MAP7: variants seen among roughly 807,000 people sequenced by gnomAD.
MAP7 encodes ensconsin.
In MAP7, 52 loss-of-function variants were observed where a neutral mutation model predicts 94.8. The ratio of observed to expected loss-of-function variants is 0.55; its 90% CI spans 0.44 to 0.69. The LOEUF is 0.69. Among genes scored for constraint, MAP7 ranks in the 30% least tolerant of loss-of-function variants. MAP7 has a pLI of 0.00. For missense variants in MAP7, 940 were observed against 964.6 expected (o/e 0.97, Z 0.34); for synonymous variants, 350 against 357.0 (o/e 0.98, Z 0.22).
chr6:136,534,477 GCTGACA>G (rs1828723098), intron 1 of MAP7, among the ~76,000 whole-genome samples: 1 of 152,220 alleles, frequency 6.6e-6, no homozygotes, highest in Non-Finnish European at 1.5e-5. Flanking sequence ...GCTGAGCCCA[GCTGACA>G]CTTAACCTAT....
chr6:136,487,308 CGATA>C (rs1815089904), intron 1 of MAP7, among the ~76,000 whole-genome samples: 1 of 152,056 alleles, frequency 6.6e-6, no homozygotes, highest in Admixed American at 6.5e-5. Flanking sequence ...CACACACATA[CGATA>C]GAGTTTATAA....
Position 136,411,636 on chromosome 6 carries a change from T to G in MAP7, c.228A>C (p.Glu76Asp). ...CTGGGGTACCTAGCTGTTTCTCCCG[T>G]TCCTCACGTCGCTCCCGGGCCAGCC... The part of the protein sequence containing the change: ...RQRLARERRE[E>D]REKQLAAREI... Residue 76 changes from glutamate to aspartate, a missense_variant, in exon 3 of 18, where the codon GAA (glutamate) becomes GAC (aspartate). Coordinates refer to ENST00000354570, the MANE Select transcript of MAP7 (RefSeq NM_003980.6). 6.4e-7 allele frequency: 1 copy of G among 1,562,238 alleles called. No homozygotes were observed. Among genetic ancestry groups the G allele is most frequent in the East Asian group, 2.4e-5 (1 of 41,748 alleles).
chr6:136,489,957 T>C (rs1255005598), intron 1 of MAP7, among the ~76,000 whole-genome samples: 2 of 152,164 alleles, frequency 1.3e-5, no homozygotes, highest in Non-Finnish European at 2.9e-5. Context: ...ACTTGTGAAC[T>C]GAAGTCAGCC....
At chr6:136,366,068 C>T (rs770620538) in intron 9 of MAP7, 50 bp from the exon 10 acceptor site, 30 of 1,557,802 alleles carry the variant, frequency 1.9e-5, no homozygotes, top group Non-Finnish European at 2.5e-5. Flanking sequence ...TGAGAACAGG[C>T]TTGCCAGAAC....
At chr6:136,513,398 C>A (rs942195368) in intron 1 of MAP7, among the ~76,000 whole-genome samples, 1 of 152,172 alleles carries the variant, frequency 6.6e-6, no homozygotes, top group Admixed American at 6.5e-5. Context: ...TCTCAAGAAA[C>A]CACTTACTTT....
intron 1 of MAP7, among the ~76,000 whole-genome samples, chr6:136,437,198 AC>A (rs1160554686): frequency 1.3e-5 from 2 of 152,148 alleles, no homozygotes; most frequent in Non-Finnish European, 2.9e-5. Flanking sequence ...GTGTTCTTCC[AC>A]CCTTTAGCTT....
chr6:136,414,884 A>C (rs1473494176), intron 2 of MAP7, among the ~76,000 whole-genome samples: 1 of 147,852 alleles, frequency 6.8e-6, no homozygotes, highest in Non-Finnish European at 1.5e-5. Flanking sequence ...GCGTGATCTC[A>C]GCTCACTGCA....
At chr6:136,465,018 T>C (rs1040037170) in intron 1 of MAP7, among the ~76,000 whole-genome samples, 2 of 152,222 alleles carry the variant, frequency 1.3e-5, no homozygotes, top group Non-Finnish European at 2.9e-5. Context: ...AGCAGCTTGA[T>C]GGTGAAAACA....
intron 1 of MAP7, among the ~76,000 whole-genome samples, chr6:136,438,835 C>T (rs1253709075): frequency 6.6e-6 from 1 of 152,116 alleles, no homozygotes; most frequent in Non-Finnish European, 1.5e-5. Flanking sequence ...TTTCTCACCT[C>T]CCTTCCCCCC....
intron 15 of MAP7, among the ~76,000 whole-genome samples, chr6:136,358,298 T>A (rs1296218631): frequency 6.6e-6 from 1 of 152,184 alleles, no homozygotes; most frequent in South Asian, 2.1e-4. Flanking sequence ...AACTACAGCA[T>A]TAGCCCCTCA....
At chr6:136,407,684 A>G (rs1472605683) in intron 3 of MAP7, among the ~76,000 whole-genome samples, 1 of 152,330 alleles carries the variant, frequency 6.6e-6, no homozygotes, top group East Asian at 1.9e-4. Context: ...AACTAGGCTG[A>G]GTCCAGACTG....
chr6:136,452,732 T>C (rs942394144), intron 1 of MAP7, among the ~76,000 whole-genome samples: 1 of 152,094 alleles, frequency 6.6e-6, no homozygotes, highest in Non-Finnish European at 1.5e-5. Flanking sequence ...TTTGTATTTT[T>C]AGTAGAGATA....
Position 136,359,880 on chromosome 6 carries a change from A to G in MAP7, c.1855-3T>C, listed in dbSNP as rs780054031. ...CCGTTTCTCTGATCACTGGTTTTCTACGAAGAAGAAAAAAAGAGGACTTTT... is the reference window on the plus strand; with the variant it reads ...CCGTTTCTCTGATCACTGGTTTTCTGCGAAGAAGAAAAAAAGAGGACTTTT... On this transcript the variant is annotated splice_polypyrimidine_tract_variant and splice_region_variant and intron_variant, in intron 14 of 17. Transcript: ENST00000354570. The G allele has an allele frequency of 5.0e-6, 8 of 1,612,988 alleles. No individual in the cohort carries two copies. The highest frequency in any genetic ancestry group is 1.7e-4 in the Middle Eastern group (1 of 6,004).
chr6:136,546,174 G>A (rs955673385), intron 1 of MAP7, among the ~76,000 whole-genome samples: 2 of 152,094 alleles, frequency 1.3e-5, no homozygotes, highest in Non-Finnish European at 2.9e-5. Context: ...CACCACACCA[G>A]GCTAATTTTT....
intron 1 of MAP7, among the ~76,000 whole-genome samples, chr6:136,448,999 T>G (rs1800204160): frequency 8.3e-5 from 7 of 84,166 alleles, no homozygotes; most frequent in Admixed American, 3.1e-4. Context: ...ACAACAGTGG[T>G]GTTAAAAAAA....
At position 136,388,401 on chromosome 6, in the gene MAP7, T is replaced by A; in HGVS notation, c.518A>T (p.His173Leu). 6.2e-7 allele frequency: 1 copy of A among 1,613,530 alleles called. No individual in the cohort carries two copies. The highest frequency in any genetic ancestry group is 8.5e-7 in the Non-Finnish European group (1 of 1,179,534). Residue 173 changes from histidine (H) to leucine (L), a missense_variant, in exon 5 of 18, where the codon CAC becomes CTC. Physicochemically the swap from His to Leu is moderately conservative, Grantham distance 99. Coordinates refer to ENST00000354570, the MANE Select transcript of MAP7 (RefSeq NM_003980.6). ...AAGTGGTCACTGTTTACCTGCACTG[T>A]GGATGCTAGGGCTCCCATGGAGAGA... ...GGSLHGSPSI[H>L]SADPDRRSVS...
intron 1 of MAP7, among the ~76,000 whole-genome samples, chr6:136,429,091 G>A (rs1441100470): frequency 6.6e-6 from 1 of 152,074 alleles, no homozygotes; most frequent in Non-Finnish European, 1.5e-5. Context: ...CCTTCATCAA[G>A]CATTTGTTCA....
chr6:136,429,985 AGCAAAGTACAGG>A (rs1174486433), intron 1 of MAP7, among the ~76,000 whole-genome samples: 4 of 152,184 alleles, frequency 2.6e-5, no homozygotes, highest in Non-Finnish European at 5.9e-5. Flanking sequence ...TTTACGACTA[AGCAAAGTACAGG>A]GCAAAGTACA....
rs56284655 is a variant in MAP7 at position 136,456,822 on chromosome 6, GGAA to G, written c.68-35026_68-35024del. Among the ~76,000 whole-genome samples the G allele has an allele frequency of 5.9e-4, 41 of 69,030 alleles. 1 individual carries two copies. Among genetic ancestry groups the G allele is most frequent in the Non-Finnish European group, 8.4e-4 (32 of 38,020 alleles). The allele number at this position is 69,030 out of a possible 152,430, so 45.3% of individuals were successfully genotyped here. On this transcript the variant is annotated intron_variant, in intron 1 of 17. Transcript: ENST00000354570. Reference sequence around the variant, plus strand: ...AGAAGAAGAAGAAGAAGAAGAAGAAGGAAGAAGAAGAAGAAGAAGAAGAAGAGG... The same window carrying G: ...AGAAGAAGAAGAAGAAGAAGAAGAAGGAAGAAGAAGAAGAAGAAGAAGAGG...
Sources: gnomAD v4.1 joint callset for allele counts (sites outside exome capture counted in the v4.1 genomes callset) on GRCh38, gnomAD v4.1.1 for gene constraint, MANE v1.5 for transcripts, NCBI Gene and HGNC (gene_info 2026-07-23, HGNC 2026-07-21) for gene names.